CAST: variants seen among roughly 807,000 people sequenced by gnomAD.
CAST encodes the protein MIR583 host.
Under a neutral mutation model 119.6 loss-of-function variants are expected in CAST, and 76 were observed. That is an observed-to-expected ratio of 0.64 (90% CI 0.53 to 0.77). CAST has a LOEUF of 0.77. Among genes scored for constraint, CAST ranks in the 30% least tolerant of loss-of-function variants. CAST has a pLI of 0.00. For missense variants in CAST, 953 were observed against 946.5 expected (o/e 1.01, Z -0.09); for synonymous variants, 319 against 331.6 (o/e 0.96, Z 0.41).
the CAST span, among the ~76,000 whole-genome samples, chr5:96,121,251 G>A: frequency 6.6e-6 from 1 of 152,052 alleles, no homozygotes; most frequent in Non-Finnish European, 1.5e-5. Context: ...TGTGGCTTTG[G>A]GGGAGCCCTT....
At chr5:96,068,374 C>T in the CAST span, among the ~76,000 whole-genome samples, 5 of 152,014 alleles carry the variant, frequency 3.3e-5, no homozygotes, top group Admixed American at 2.0e-4. Context: ...GAAGTCTCAC[C>T]TTGAGAATCA....
chr5:96,321,095 C>A, the CAST span, among the ~76,000 whole-genome samples: 1 of 152,304 alleles, frequency 6.6e-6, no homozygotes, highest in East Asian at 1.9e-4. Flanking sequence ...AGGTTACCTA[C>A]CTGTTTCATC....
the CAST span, among the ~76,000 whole-genome samples, chr5:96,335,714 G>T: frequency 6.6e-6 from 1 of 152,110 alleles, no homozygotes; most frequent in Admixed American, 6.6e-5. Context: ...GCACTCTTCA[G>T]ACATTTCGGA....
intron 2 of CAST, among the ~76,000 whole-genome samples, chr5:96,695,587 G>GT (rs1489278362): frequency 6.6e-6 from 1 of 152,130 alleles, no homozygotes. Flanking sequence ...GCCTCAGTGA[G>GT]TTTTGCAGTT....
the CAST span, among the ~76,000 whole-genome samples, chr5:96,140,790 T>G: frequency 6.6e-6 from 1 of 152,338 alleles, no homozygotes; most frequent in South Asian, 2.1e-4. Context: ...CATAAGGCCT[T>G]TGTTACCTGG....
At chr5:96,393,045 G>C in the CAST span, 2 of 1,614,008 alleles carry the variant, frequency 1.2e-6, no homozygotes, top group South Asian at 2.2e-5. Context: ...TGAAGCAGCC[G>C]GTCGTCTCTG....
chr5:96,588,989 T>A (rs1746913745), intron 1 of CAST, among the ~76,000 whole-genome samples: 1 of 152,248 alleles, frequency 6.6e-6, no homozygotes, highest in Non-Finnish European at 1.5e-5. Context: ...AATTATTAAT[T>A]TGTCTTCCCA....
chr5:96,577,312 T>C (rs1317581609), intron 1 of CAST, among the ~76,000 whole-genome samples: 1 of 152,188 alleles, frequency 6.6e-6, no homozygotes, highest in African/African-American at 2.4e-5. Context: ...TTATCAATTT[T>C]ATTAATTTTT....
rs756977486 is a variant in CAST, at chr5:96,743,645, T to C, written c.1200+889T>C. 6.1e-5 allele frequency: 98 copies of C among 1,613,244 alleles called. No individual in the cohort carries two copies. In the Admixed American group the frequency reaches 1.6e-3, roughly 27 times the overall value. Reference sequence around the variant, plus strand: ...GCCTAAGATGGGCCAGTTTCTATCTTCGACTTTCTTGGAGGGCTCACCGGC... The same window carrying C: ...GCCTAAGATGGGCCAGTTTCTATCTCCGACTTTCTTGGAGGGCTCACCGGC... On this transcript the variant is annotated intron_variant, in intron 16 of 31. Coordinates refer to ENST00000675179, the MANE Select transcript of CAST (RefSeq NM_001750.7).
intron 1 of CAST, among the ~76,000 whole-genome samples, chr5:96,577,828 A>C (rs956125047): frequency 6.6e-6 from 1 of 152,160 alleles, no homozygotes; most frequent in Non-Finnish European, 1.5e-5. Context: ...GTTCTCTTGA[A>C]AAGGGTACAT....
the CAST span, among the ~76,000 whole-genome samples, chr5:96,435,183 T>C: frequency 6.6e-6 from 1 of 152,204 alleles, no homozygotes. Flanking sequence ...AGGAGGAACA[T>C]ATTTGTCCCT....
the CAST span, among the ~76,000 whole-genome samples, chr5:96,317,477 A>T: frequency 2.8e-5 from 1 of 36,204 alleles, no homozygotes; most frequent in South Asian, 6.8e-4. Flanking sequence ...ACTCCATCTC[A>T]AAAAAAAAAA....
chr5:96,481,700 T>C, the CAST span, among the ~76,000 whole-genome samples: 7 of 152,136 alleles, frequency 4.6e-5, no homozygotes, highest in African/African-American at 1.7e-4. Flanking sequence ...GGAGAACACA[T>C]GAAAAGGGAA....
chr5:96,703,431 G>T (rs1238828710), intron 3 of CAST, among the ~76,000 whole-genome samples: 2 of 152,180 alleles, frequency 1.3e-5, no homozygotes, highest in African/African-American at 4.8e-5. Flanking sequence ...CGTGGCAAGT[G>T]TTGTAACCTG....
chr5:96,515,167 A>T, the CAST span, among the ~76,000 whole-genome samples: 1 of 152,012 alleles, frequency 6.6e-6, no homozygotes, highest in East Asian at 1.9e-4. Flanking sequence ...TGCTTCAAAA[A>T]TGAAAAACCC....
the CAST span, among the ~76,000 whole-genome samples, chr5:96,464,307 C>T: frequency 2.0e-5 from 3 of 151,936 alleles, no homozygotes; most frequent in African/African-American, 7.2e-5. Flanking sequence ...CTCACTATTA[C>T]TCAGGAACTC....
the CAST span, among the ~76,000 whole-genome samples, chr5:96,187,852 G>C: frequency 6.6e-6 from 1 of 152,200 alleles, no homozygotes; most frequent in East Asian, 1.9e-4. Flanking sequence ...ACTGACTGTG[G>C]TGATGGTAGA....
the CAST span, among the ~76,000 whole-genome samples, chr5:96,380,644 T>G: frequency 6.6e-3 from 1,005 of 152,272 alleles, 3 homozygotes; most frequent in Non-Finnish European, 9.5e-3. Context: ...GTGATGAAGT[T>G]TGAGCTTTCA....
chr5:95,961,683 C>T, the CAST span: 1 of 1,606,280 alleles, frequency 6.2e-7, no homozygotes, highest in Admixed American at 1.7e-5. Context: ...GCCCATAGCG[C>T]TGCTCCTCCC....
Sources: allele counts gnomAD v4.1 joint callset (sites outside exome capture counted in the v4.1 genomes callset), GRCh38; gene constraint gnomAD v4.1.1; transcripts MANE v1.5; gene names NCBI Gene and HGNC (gene_info 2026-07-23, HGNC 2026-07-21).